The following AGAP1 variants were observed in gnomAD, a reference collection of about 807,000 sequenced individuals.
AGAP1 encodes the protein ArfGAP with GTPase domain, ankyrin repeat and PH domain 1, also known as arf-GAP with GTPase, ANK repeat and PH domain-containing protein 1.
Under a neutral mutation model 105.3 loss-of-function variants are expected in AGAP1, and 29 were observed. The ratio of observed to expected loss-of-function variants is 0.28; its 90% CI spans 0.21 to 0.38. AGAP1 has a LOEUF of 0.38. Among genes scored for constraint, AGAP1 ranks in the 10% least tolerant of loss-of-function variants. The pLI is 1.00. For synonymous variants in AGAP1, 509 were observed against 485.9 expected (o/e 1.05, Z -0.63); for missense variants, 998 against 1,165.1 (o/e 0.86, Z 2.09).
At chr2:236,106,086 G>C (rs1452090724) in intron 16 of AGAP1, among the ~76,000 whole-genome samples, 1 of 152,244 alleles carries the variant, frequency 6.6e-6, no homozygotes, top group African/African-American at 2.4e-5. Context: ...TTGCATTGCA[G>C]CAAATCACTG....
rs181783078 is a variant in AGAP1, at chr2:235,988,736, G to A, written c.1645+20113G>A. On this transcript the variant is annotated intron_variant, in intron 13 of 17. Coordinates refer to ENST00000304032, the MANE Select transcript of AGAP1 (RefSeq NM_001037131.3). This position sits in a 1 kb window ranked among gnomAD's most constrained non-coding sequence, Gnocchi z 4.7. ...CCGCCGACTCCACTCTGGCCAAGAC[G>A]AGCTCTCAGATTGCACTTCAGAATC... Among the ~76,000 whole-genome samples the A allele has an allele frequency of 7.6e-4, 115 of 152,212 alleles. 1 individual carries two copies. The highest frequency in any genetic ancestry group is 2.6e-3 in the African/African-American group (110 of 41,534).
chr2:235,495,160 C>A (rs1020469520), intron 1 of AGAP1, among the ~76,000 whole-genome samples: 6 of 152,300 alleles, frequency 3.9e-5, no homozygotes, highest in African/African-American at 1.4e-4. Context: ...GCCCAGCAGA[C>A]GCCTGGGGGC....
intron 1 of AGAP1, chr2:235,524,650 TA>T (rs1942761553): frequency 2.3e-5 from 4 of 172,098 alleles, no homozygotes. Context: ...AGAGGATGCC[TA>T]ACAACAGCTC....
At chr2:235,696,017 A>G (rs1949981642) in intron 1 of AGAP1, among the ~76,000 whole-genome samples, 1 of 152,132 alleles carries the variant, frequency 6.6e-6, no homozygotes, top group South Asian at 2.1e-4. Context: ...CAGGATGGGT[A>G]TTGCCCAGAG....
chr2:236,051,078 C>G lies in AGAP1; in HGVS notation c.2114+1797C>G, dbSNP rs943360555. Among the ~76,000 whole-genome samples, 2 of 152,192 alleles carry G rather than the reference C, an allele frequency of 1.3e-5. No homozygotes were observed. Among genetic ancestry groups the G allele is most frequent in the Non-Finnish European group, 2.9e-5 (2 of 68,026 alleles). On this transcript the variant is annotated intron_variant, in intron 16 of 17. Transcript: ENST00000304032. This position sits in a 1 kb window ranked among gnomAD's most constrained non-coding sequence, Gnocchi z 5.9. The stretch of plus-strand genomic sequence containing the variant: ...TGCAGTGGTTGCAGTTAAGTCCCAT[C>G]TTTTCTTTAGTCACACTGGCTTTCC...
chr2:235,802,841 T>A (rs1444771241), intron 8 of AGAP1, among the ~76,000 whole-genome samples: 2 of 131,054 alleles, frequency 1.5e-5, no homozygotes, highest in East Asian at 4.8e-4. Context: ...ATGATGGTTA[T>A]GGTTGTGATG....
At chr2:235,715,700 C>A (rs996262169) in intron 2 of AGAP1, among the ~76,000 whole-genome samples, 10 of 152,200 alleles carry the variant, frequency 6.6e-5, no homozygotes, top group African/African-American at 2.4e-4. Flanking sequence ...CTCTGGTGTT[C>A]TCGGGTTGAA....
rs1195707010 is a variant in AGAP1, at chr2:236,087,286, G to A, written c.2115-32906G>A. ...CCAGTGTTATTTAGGGGTCGAGGTG[G>A]GAATGAGAGGAAGCCAGAGCCCGGG... On this transcript the variant is annotated intron_variant, in intron 16 of 17. Transcript: ENST00000304032. The surrounding 1 kb of genome is among the most constrained non-coding windows in gnomAD (Gnocchi z 5.7). Among the ~76,000 whole-genome samples, 3 of 152,066 alleles carry A rather than the reference G, an allele frequency of 2.0e-5. No individual in the cohort carries two copies. The East Asian group carries it at 5.8e-4, about 29-fold the overall frequency.
Position 236,040,641 on chromosome 2 carries a change from C to T in AGAP1, c.1801-110C>T. On this transcript the variant is annotated intron_variant, in intron 14 of 17. Coordinates refer to ENST00000304032, the MANE Select transcript of AGAP1 (RefSeq NM_001037131.3). This position sits in a 1 kb window ranked among gnomAD's most constrained non-coding sequence, Gnocchi z 5.6. ...CAAGAGTGATTGTTTAGAAATTACC[C>T]TCGTCCTACATTTGCTCCCAATCTG... 3 of 804,862 alleles carry T rather than the reference C, an allele frequency of 3.7e-6. No individual in the cohort carries two copies. The highest frequency in any genetic ancestry group is 3.3e-5 in the South Asian group (2 of 60,926). 49.9% of individuals were successfully genotyped at this position (804,862 alleles called of 1,614,324 possible).
At chr2:235,668,654 A>G (rs574469048) in intron 1 of AGAP1, among the ~76,000 whole-genome samples, 1 of 152,240 alleles carries the variant, frequency 6.6e-6, no homozygotes, top group Non-Finnish European at 1.5e-5. Context: ...ATCTATGTCT[A>G]AATATTGTGG....
chr2:235,874,890 A>C lies in AGAP1; in HGVS notation c.1051-8455A>C, dbSNP rs1387916173. 6.6e-6 allele frequency among the ~76,000 whole-genome samples: 1 copy of C among 152,080 alleles called. No individual in the cohort carries two copies. The highest frequency in any genetic ancestry group is 1.5e-5 in the Non-Finnish European group (1 of 68,012). On this transcript the variant is annotated intron_variant, in intron 9 of 17. Coordinates refer to ENST00000304032, the MANE Select transcript of AGAP1 (RefSeq NM_001037131.3). The surrounding 1 kb of genome is among the most constrained non-coding windows in gnomAD (Gnocchi z 4.5). The stretch of plus-strand genomic sequence containing the variant: ...TGAGTTTAAAAACTGGTACTAAAAT[A>C]CCCTCTTATCAGAGAAATTGTCAAT...
Position 235,494,598 on chromosome 2 carries a change from GCGGCGCCCCGGGCTCGGCGGCC to G in AGAP1, c.-86_-65del. ...CGGCGGGCCCGGCTCCCCGGGGGCT[GCGGCGCCCCGGGCTCGGCGGCC>G]CGCGGGCCCCGGGGCGCGGGGCGGC... On this transcript the variant is annotated 5_prime_UTR_variant, in exon 1 of 18. Transcript: ENST00000304032. 1.8e-6 allele frequency: 1 copy of G among 547,162 alleles called. No homozygotes were observed. The highest frequency in any genetic ancestry group is 2.3e-6 in the Non-Finnish European group (1 of 435,344). 33.9% of individuals were successfully genotyped at this position (547,162 alleles called of 1,614,324 possible). A position where few individuals can be genotyped will look rare whatever the true frequency, so the allele number is the denominator to read the frequency against.
At chr2:236,070,075 G>C (rs759661888) in intron 16 of AGAP1, among the ~76,000 whole-genome samples, 4 of 152,240 alleles carry the variant, frequency 2.6e-5, no homozygotes, top group Non-Finnish European at 5.9e-5. Flanking sequence ...GCTGGCTGTG[G>C]CGCTGTATGA....
At position 236,009,145 on chromosome 2, in the gene AGAP1, C is replaced by T. The variant is rs1160295645; in HGVS notation, c.1646-27416C>T. Among the ~76,000 whole-genome samples the T allele has an allele frequency of 6.6e-6, 1 of 152,132 alleles. No individual in the cohort carries two copies. The highest frequency in any genetic ancestry group is 1.5e-5 in the Non-Finnish European group (1 of 68,030). ...AGCTAAAGTAGTGAGTTCACATAGT[C>T]GAAGAATCTTCTGGGTTGCATCTTA... On this transcript the variant is annotated intron_variant, in intron 13 of 17. Transcript: ENST00000304032. The surrounding 1 kb of genome is among the most constrained non-coding windows in gnomAD (Gnocchi z 4.2).
chr2:235,920,172 T>A (rs900192016), intron 11 of AGAP1, among the ~76,000 whole-genome samples: 1 of 152,218 alleles, frequency 6.6e-6, no homozygotes, highest in Non-Finnish European at 1.5e-5. Context: ...TTTTCTGTTA[T>A]GTAGAACTGT....
rs758348091 is a variant in AGAP1 at position 236,056,920 on chromosome 2, G to T, written c.2114+7639G>T. On this transcript the variant is annotated intron_variant, in intron 16 of 17. Coordinates refer to ENST00000304032, the MANE Select transcript of AGAP1 (RefSeq NM_001037131.3). The surrounding 1 kb of genome is among the most constrained non-coding windows in gnomAD (Gnocchi z 4.6). ...CGTCAGTAGCGGCATTGGGAGAACC[G>T]CCATGTTTAGCAGCACCACTCCCAC... Among the ~76,000 whole-genome samples the T allele has an allele frequency of 6.6e-6, 1 of 152,164 alleles. No homozygotes were observed. The highest frequency in any genetic ancestry group is 1.5e-5 in the Non-Finnish European group (1 of 68,024).
intron 1 of AGAP1, 26 bp downstream of exon 1, chr2:235,494,875 T>G (rs1941241386): frequency 6.5e-7 from 1 of 1,536,866 alleles, no homozygotes; most frequent in Admixed American, 1.9e-5. Flanking sequence ...CCTTGGGGCC[T>G]CGGGAAGGCA....
At chr2:236,049,461 A>T in intron 16 of AGAP1, 180 bp downstream of exon 16, 1 of 558,212 alleles carries the variant, frequency 1.8e-6, no homozygotes, top group South Asian at 2.7e-5. Context: ...GACGTGGATA[A>T]TTCACACTCC....
chr2:235,646,907 G>A (rs1035527165), intron 1 of AGAP1, among the ~76,000 whole-genome samples: 37 of 152,082 alleles, frequency 2.4e-4, no homozygotes, highest in Admixed American at 2.4e-3. Flanking sequence ...AGGCCGAGGC[G>A]GGTGGATCAC....
Sources: gnomAD v4.1 joint callset for allele counts (sites outside exome capture counted in the v4.1 genomes callset) on GRCh38, gnomAD v4.1.1 for gene constraint, Gnocchi (gnomAD v3.1) non-coding constraint, MANE v1.5 for transcripts, NCBI Gene and HGNC (gene_info 2026-07-23, HGNC 2026-07-21) for gene names.